Variants in ATP6V1H observed in about 807,000 individuals in gnomAD.
ATP6V1H encodes ATPase H+ transporting V1 subunit H, also known as V-type proton ATPase subunit H.
ATP6V1H carries 39 observed loss-of-function variants against 71.7 expected under a neutral mutation model. That is an observed-to-expected ratio of 0.54 (90% CI 0.42 to 0.71). ATP6V1H has a LOEUF of 0.71. ATP6V1H is among the 30% of genes least tolerant of loss of function. ATP6V1H has a pLI of 0.00. For missense variants in ATP6V1H, 509 were observed against 594.9 expected (o/e 0.86, Z 1.50); for synonymous variants, 192 against 199.3 (o/e 0.96, Z 0.31).
intron 7 of ATP6V1H, among the ~76,000 whole-genome samples, chr8:53,808,934 C>T (rs1810183802): frequency 6.6e-6 from 1 of 152,066 alleles, no homozygotes; most frequent in Non-Finnish European, 1.5e-5. Flanking sequence ...TTGTTTTATA[C>T]TGACATCAAG....
Position 53,835,151 on chromosome 8 carries a change from C to CA in ATP6V1H, c.114-2066dup, listed in dbSNP as rs200964286. Among the ~76,000 whole-genome samples, 363 of 150,380 alleles carry CA rather than the reference C, an allele frequency of 2.4e-3. 2 individuals are homozygous for CA. The highest frequency in any genetic ancestry group is 8.0e-3 in the African/African-American group (329 of 41,070). ...TGACAGAGTGAGACCCTGTCTCAAACAAAAAAAAAGCATAGTTATAGAAGG... is the reference window on the plus strand; with the variant it reads ...TGACAGAGTGAGACCCTGTCTCAAACAAAAAAAAAAGCATAGTTATAGAAGG... On this transcript the variant is annotated intron_variant, in intron 2 of 13. Transcript: ENST00000359530.
In ATP6V1H at chr8:53,832,994, T is replaced by G; in HGVS notation, c.206A>C (p.Glu69Ala). 6.2e-7 allele frequency: 1 copy of G among 1,611,602 alleles called. No homozygotes were observed. Among genetic ancestry groups the G allele is most frequent in the African/African-American group, 1.3e-5 (1 of 74,960 alleles). The part of the protein sequence containing the change: ...PEEKQEMLQT[E>A]GSQCAKTFIN... Reference sequence around the variant, plus strand: ...ATGTTTATTCATCACCTGGCTGCCTTCAGTTTGAAGCATCTCTTGCTTCTC... The same window carrying G: ...ATGTTTATTCATCACCTGGCTGCCTGCAGTTTGAAGCATCTCTTGCTTCTC... Residue 69 changes from glutamate (E) to alanine (A), a missense_variant, in exon 3 of 14, where the codon GAA (glutamate) becomes GCA (alanine). Transcript: ENST00000359530.
intron 8 of ATP6V1H, among the ~76,000 whole-genome samples, chr8:53,796,088 AG>A (rs1809722318): frequency 1.3e-5 from 2 of 152,330 alleles, no homozygotes; most frequent in African/African-American, 4.8e-5. Flanking sequence ...GCAAGAAGAA[AG>A]GGAACAAAGA....
At chr8:53,716,676 G>A (rs948416212) in intron 13 of ATP6V1H, among the ~76,000 whole-genome samples, 1 of 152,104 alleles carries the variant, frequency 6.6e-6, no homozygotes, top group East Asian at 1.9e-4. Context: ...CCACAGATGG[G>A]GCAATGGGGC....
At chr8:53,832,144 T>C (rs1811028238) in intron 3 of ATP6V1H, 1 of 152,072 alleles carries the variant, frequency 6.6e-6, no homozygotes, top group Admixed American at 6.6e-5. Flanking sequence ...TACAGTTAAA[T>C]GAAAAGAACA....
intron 13 of ATP6V1H, among the ~76,000 whole-genome samples, chr8:53,738,289 T>G (rs1169473875): frequency 7.5e-6 from 1 of 133,962 alleles, no homozygotes; most frequent in Admixed American, 7.2e-5. Flanking sequence ...AGTGCGAGAC[T>G]CTGCCTCAAA....
intron 13 of ATP6V1H, among the ~76,000 whole-genome samples, chr8:53,740,472 C>T (rs1390067330): frequency 6.6e-6 from 1 of 152,166 alleles, no homozygotes; most frequent in Non-Finnish European, 1.5e-5. Flanking sequence ...TCTGTGCTTG[C>T]ATTTTAATTA....
rs200437973 is a variant in ATP6V1H, at chr8:53,726,068, A to G, written c.1392-10044T>C. Among the ~76,000 whole-genome samples, 95 of 125,730 alleles carry G rather than the reference A, an allele frequency of 7.6e-4. No homozygotes were observed. The East Asian group carries it at 0.045, about 60-fold the overall frequency. The allele number at this position is 125,730 out of a possible 152,430, so 82.5% of individuals were successfully genotyped here. ...ATCCAAAGATTATTCCATTAAAAAC[A>G]TTAATACAAGCCACATAATACAAGT... On this transcript the variant is annotated intron_variant, in intron 13 of 13. Coordinates refer to ENST00000359530, the MANE Select transcript of ATP6V1H (RefSeq NM_015941.4).
intron 3 of ATP6V1H, among the ~76,000 whole-genome samples, chr8:53,830,598 A>G (rs1054284951): frequency 6.6e-6 from 1 of 151,830 alleles, no homozygotes; most frequent in East Asian, 1.9e-4. Flanking sequence ...TTCTGTCAGA[A>G]CTCTTTTTCA....
intron 9 of ATP6V1H, among the ~76,000 whole-genome samples, chr8:53,783,202 T>C (rs1205461164): frequency 6.6e-6 from 1 of 152,174 alleles, no homozygotes; most frequent in Non-Finnish European, 1.5e-5. Context: ...AGCTATTAAT[T>C]ATTGCCTCAA....
chr8:53,833,068 A>T lies in ATP6V1H; in HGVS notation c.132T>A (p.Ala44=), dbSNP rs1374787190. The stretch of plus-strand genomic sequence containing the variant: ...ACCTCTGAATAAACTCACAATCTTC[A>T]GCAGAAATCATCTGTCCCCTAGAAA... ...QSYLQGQMIS[A]EDCEFIQRFE... The change falls in exon 3 of 14, where the codon GCT becomes GCA. Residue 44 remains alanine (A), a synonymous_variant. Coordinates refer to ENST00000359530, the MANE Select transcript of ATP6V1H (RefSeq NM_015941.4). 1.9e-6 allele frequency: 3 copies of T among 1,613,346 alleles called. No homozygotes were observed. Among genetic ancestry groups the T allele is most frequent in the African/African-American group, 2.7e-5 (2 of 74,880 alleles).
At chr8:53,761,818 C>T (rs1430458415) in intron 11 of ATP6V1H, among the ~76,000 whole-genome samples, 1 of 152,106 alleles carries the variant, frequency 6.6e-6, no homozygotes, top group Admixed American at 6.5e-5. Flanking sequence ...CTGGATGCCT[C>T]ATTTAAATGA....
intron 4 of ATP6V1H, among the ~76,000 whole-genome samples, chr8:53,829,111 G>A (rs1585834845): frequency 6.6e-6 from 1 of 152,236 alleles, no homozygotes; most frequent in East Asian, 1.9e-4. Context: ...GATTGAATGA[G>A]AAGGAGCCAT....
At position 53,780,542 on chromosome 8, in the gene ATP6V1H, AATTTT is replaced by A. The variant is rs573208822; in HGVS notation, c.871-8380_871-8376del. Among the ~76,000 whole-genome samples the A allele has an allele frequency of 4.8e-3, 722 of 151,376 alleles. 8 individuals carry two copies. Among genetic ancestry groups the A allele is most frequent in the African/African-American group, 0.017 (687 of 41,322 alleles). ...TGTTATATTTTTTTTTCTTTTTTTT[AATTTT>A]ATTATTATTACACTTTAAGTTTTAG... On this transcript the variant is annotated intron_variant, in intron 9 of 13. Coordinates refer to ENST00000359530, the MANE Select transcript of ATP6V1H (RefSeq NM_015941.4).
At chr8:53,718,321 T>G (rs996713613) in intron 13 of ATP6V1H, among the ~76,000 whole-genome samples, 2 of 152,014 alleles carry the variant, frequency 1.3e-5, no homozygotes, top group African/African-American at 4.8e-5. Flanking sequence ...CCCTACCATC[T>G]TCCATTCATT....
At chr8:53,742,425 T>G (rs1335070433) in intron 13 of ATP6V1H, among the ~76,000 whole-genome samples, 2 of 152,208 alleles carry the variant, frequency 1.3e-5, no homozygotes, top group Non-Finnish European at 2.9e-5. Context: ...AAATGCTTAT[T>G]CACTCCAGTA....
Position 53,715,743 on chromosome 8 carries a change from TGTAACA to T in ATP6V1H, c.*215_*220del. 2.3e-6 allele frequency: 1 copy of T among 435,404 alleles called. No homozygotes were observed. The highest frequency in any genetic ancestry group is 4.1e-6 in the Non-Finnish European group (1 of 244,236). 27.0% of individuals were successfully genotyped at this position (435,404 alleles called of 1,614,324 possible). A position where few individuals can be genotyped will look rare whatever the true frequency, so the allele number is the denominator to read the frequency against. On this transcript the variant is annotated 3_prime_UTR_variant, in exon 14 of 14. Coordinates refer to ENST00000359530, the MANE Select transcript of ATP6V1H (RefSeq NM_015941.4). Reference sequence around the variant, plus strand: ...AAATACAGAAATTGCAAGCAGTATATGTAACAGTAATATTTTCTTTAAATACAGAAT... The same window carrying T: ...AAATACAGAAATTGCAAGCAGTATATGTAATATTTTCTTTAAATACAGAAT...
At chr8:53,754,745 T>C (rs1320891076) in intron 12 of ATP6V1H, among the ~76,000 whole-genome samples, 10 of 152,232 alleles carry the variant, frequency 6.6e-5, no homozygotes. Flanking sequence ...TGGTTTATCA[T>C]TGCTGGGGCC....
intron 10 of ATP6V1H, among the ~76,000 whole-genome samples, chr8:53,771,203 A>C (rs1180505242): frequency 6.6e-6 from 1 of 152,236 alleles, no homozygotes; most frequent in Admixed American, 6.5e-5. Context: ...AAGGCCACAC[A>C]GGGAAAAAGT....
Sources: gnomAD v4.1 joint callset for allele counts (sites outside exome capture counted in the v4.1 genomes callset) on GRCh38, gnomAD v4.1.1 for gene constraint, MANE v1.5 for transcripts, NCBI Gene and HGNC (gene_info 2026-07-23, HGNC 2026-07-21) for gene names.